Variants in FOXM1 observed in about 807,000 individuals in gnomAD.
FOXM1 encodes the protein forkhead box M1.
Under a neutral mutation model 63.6 loss-of-function variants are expected in FOXM1, and 25 were observed. That is an observed-to-expected ratio of 0.39 (90% CI 0.29 to 0.55). The LOEUF (loss-of-function observed/expected upper bound fraction) is 0.55. FOXM1 is among the 20% of genes least tolerant of loss of function. The probability of loss-of-function intolerance (pLI) is 0.60; values close to 1 mark genes in which losing one functional copy is unlikely to be tolerated. For missense variants in FOXM1, 879 were observed against 958.7 expected (o/e 0.92, Z 1.10); for synonymous variants, 387 against 376.9 (o/e 1.03, Z -0.31).
At chr12:2,871,953 A>G in intron 3 of FOXM1, 143 bp downstream of exon 3, 1 of 915,022 alleles carries the variant, frequency 1.1e-6, no homozygotes, top group Non-Finnish European at 1.7e-6. Context: ...AAAATAGCTC[A>G]AAAGTTATGC....
intron 1 of FOXM1, among the ~76,000 whole-genome samples, chr12:2,875,077 C>G (rs1468816204): frequency 6.7e-6 from 1 of 149,468 alleles, no homozygotes; most frequent in African/African-American, 2.5e-5. Context: ...ACTGCAACCT[C>G]TGCCTCCTGG....
chr12:2,872,299 G>GT lies in FOXM1; in HGVS notation c.503-53_503-52insA. On this transcript the variant is annotated intron_variant, in intron 2 of 8. Coordinates refer to ENST00000359843, the MANE Select transcript of FOXM1 (RefSeq NM_021953.4). The surrounding 1 kb of genome is among the most constrained non-coding windows in gnomAD (Gnocchi z 4.0). Reference sequence around the variant, plus strand: ...ACTTAGCTGCCTCATCAGATGCCCAGGTGTGTCCATCAGAATTGGTGGCTA... The same window carrying GT: ...ACTTAGCTGCCTCATCAGATGCCCAGTGTGTGTCCATCAGAATTGGTGGCTA... The GT allele has an allele frequency of 6.2e-7, 1 of 1,600,264 alleles. No individual in the cohort carries two copies. Among genetic ancestry groups the GT allele is most frequent in the African/African-American group, 1.3e-5 (1 of 74,762 alleles).
intron 8 of FOXM1, among the ~76,000 whole-genome samples, chr12:2,862,393 A>C (rs2098115512): frequency 7.0e-6 from 1 of 142,054 alleles, no homozygotes; most frequent in African/African-American, 2.7e-5. Context: ...TAGGGTGGAG[A>C]GGGAGCCAAA....
chr12:2,862,174 G>A (rs1374854415), intron 8 of FOXM1, among the ~76,000 whole-genome samples: 7 of 142,086 alleles, frequency 4.9e-5, no homozygotes, highest in East Asian at 2.0e-4. Flanking sequence ...GTGAGACTCC[G>A]TCTCAGGAAA....
chr12:2,872,245 C>T lies in FOXM1; in HGVS notation c.505G>A (p.Asp169Asn). 1 of 1,614,134 alleles carries T rather than the reference C, an allele frequency of 6.2e-7. No homozygotes were observed. Among genetic ancestry groups the T allele is most frequent in the Non-Finnish European group, 8.5e-7 (1 of 1,180,008 alleles). Residue 169 changes from aspartate (D) to asparagine (N), a missense_variant and splice_region_variant, in exon 3 of 9, where the codon GAT (aspartate) becomes AAT (asparagine). Asp to Asn is a conservative substitution (Grantham distance 23). Transcript: ENST00000359843. The surrounding 1 kb of genome is among the most constrained non-coding windows in gnomAD (Gnocchi z 4.0). ...ATAGTGCAGCCTGCTGCCTCACCATCTGCTAGAGGGAAAATAATCCAACAC... is the reference window on the plus strand; with the variant it reads ...ATAGTGCAGCCTGCTGCCTCACCATTTGCTAGAGGGAAAATAATCCAACAC... ...LCEQKRETCA[D>N]GEAAGCTINN...
intron 4 of FOXM1, 31 bp from the exon 5 acceptor site, chr12:2,866,552 G>C: frequency 6.7e-7 from 1 of 1,490,762 alleles, no homozygotes; most frequent in Non-Finnish European, 8.9e-7. Context: ...CTGGTTATCA[G>C]CTACTTTAGA....
chr12:2,861,394 C>T (rs749328694), intron 8 of FOXM1: 2 of 649,362 alleles, frequency 3.1e-6, no homozygotes, highest in Non-Finnish European at 5.5e-6. Context: ...TAACCAAACA[C>T]CACCTGTTCC....
Position 2,858,983 on chromosome 12 carries a change from G to C in FOXM1, c.1947C>G (p.Pro649=). ...PVQTSQGASD[P]LPDPLGLMDL... Reference sequence around the variant, plus strand: ...CCATCAGCCCCAGGGGGTCAGGCAAGGGGTCAGAGGCACCCTGGGAGGTTT... The same window carrying C: ...CCATCAGCCCCAGGGGGTCAGGCAACGGGTCAGAGGCACCCTGGGAGGTTT... The change falls in exon 9 of 9, where the codon CCC becomes CCG. Residue 649 remains proline (P), a synonymous_variant. Transcript: ENST00000359843. 1 of 1,613,560 alleles carries C rather than the reference G, an allele frequency of 6.2e-7. No individual in the cohort carries two copies. The highest frequency in any genetic ancestry group is 1.1e-5 in the South Asian group (1 of 91,078).
rs147408386 is a variant in FOXM1, at chr12:2,872,615, T to TAAAA, written c.503-372_503-369dup. The stretch of plus-strand genomic sequence containing the variant: ...GACTCTGTCTCAGAAAAATAAAAAA[T>TAAAA]AAAAAAGAAAGAATTGGTGGCTAGG... On this transcript the variant is annotated intron_variant, in intron 2 of 8. Coordinates refer to ENST00000359843, the MANE Select transcript of FOXM1 (RefSeq NM_021953.4). This position sits in a 1 kb window ranked among gnomAD's most constrained non-coding sequence, Gnocchi z 4.0. Among the ~76,000 whole-genome samples, 1 of 151,470 alleles carries TAAAA rather than the reference T, an allele frequency of 6.6e-6. No homozygotes were observed. Among genetic ancestry groups the TAAAA allele is most frequent in the Non-Finnish European group, 1.5e-5 (1 of 67,878 alleles).
chr12:2,875,116 C>T (rs2098140144), intron 1 of FOXM1, among the ~76,000 whole-genome samples: 1 of 151,802 alleles, frequency 6.6e-6, no homozygotes, highest in African/African-American at 2.4e-5. Context: ...TCTCAGCCTC[C>T]TGAGTAGCTG....
intron 8 of FOXM1, among the ~76,000 whole-genome samples, chr12:2,863,134 C>G: frequency 6.6e-6 from 1 of 152,138 alleles, no homozygotes; most frequent in East Asian, 1.9e-4. Context: ...ATTTGGATTG[C>G]CGCGCCTGTG....
At position 2,874,361 on chromosome 12, in the gene FOXM1, C is replaced by T. The variant is rs757854703; in HGVS notation, c.118G>A (p.Glu40Lys). The change falls in exon 2 of 9, where the codon GAG becomes AAG. Residue 40 changes from glutamate (E) to lysine (K), a missense_variant. This residue lies in a region of FOXM1 where 255 missense variants were observed against 292.4 expected (regional missense o/e 0.87). Transcript: ENST00000359843. This position sits in a 1 kb window ranked among gnomAD's most constrained non-coding sequence, Gnocchi z 4.3. The part of the protein sequence containing the change: ...EEPKRSPAQQ[E>K]SNQAEASKEV... ...TTGGAGGCCTCTGCTTGATTAGACT[C>T]CTGTTGGGCAGGGGATCTCTTAGGT... 1 of 1,614,128 alleles carries T rather than the reference C, an allele frequency of 6.2e-7. No homozygotes were observed. Among genetic ancestry groups the T allele is most frequent in the Admixed American group, 1.7e-5 (1 of 60,004 alleles).
At position 2,858,704 on chromosome 12, in the gene FOXM1, G is replaced by C; in HGVS notation, c.2226C>G (p.Gly742=). 6.2e-7 allele frequency: 1 copy of C among 1,614,188 alleles called. No individual in the cohort carries two copies. Among genetic ancestry groups the C allele is most frequent in the South Asian group, 1.1e-5 (1 of 91,088 alleles). Residue 742 remains glycine, a synonymous_variant, in exon 9 of 9, where the codon GGC becomes GGG. Coordinates refer to ENST00000359843, the MANE Select transcript of FOXM1 (RefSeq NM_021953.4). The stretch of plus-strand genomic sequence containing the variant: ...CAGGGCCCAGTGGGTCCTCGTCCAG[G>C]CCAGGAAAGCTGATGTCCAGCAGGA... ...SKILLDISFP[G]LDEDPLGPDN...
Position 2,870,957 on chromosome 12 carries a change from C to CAAAAAA in FOXM1, c.654+1133_654+1138dup, listed in dbSNP as rs11310343. On this transcript the variant is annotated intron_variant, in intron 3 of 8. Coordinates refer to ENST00000359843, the MANE Select transcript of FOXM1 (RefSeq NM_021953.4). Reference sequence around the variant, plus strand: ...TAGGAGACAGAGAAAGACTACGTCTCAAAAAAAAAAAAAAAAAAAAAAAAA... The same window carrying CAAAAAA: ...TAGGAGACAGAGAAAGACTACGTCTCAAAAAAAAAAAAAAAAAAAAAAAAAAAAAAA... Among the ~76,000 whole-genome samples, 27 of 39,124 alleles carry CAAAAAA rather than the reference C, an allele frequency of 6.9e-4. 1 individual carries two copies. Among genetic ancestry groups the CAAAAAA allele is most frequent in the African/African-American group, 1.4e-3 (16 of 11,250 alleles). 25.7% of individuals were successfully genotyped at this position (39,124 alleles called of 152,430 possible). A position where few individuals can be genotyped will look rare whatever the true frequency, so the allele number is the denominator to read the frequency against.
intron 3 of FOXM1, among the ~76,000 whole-genome samples, chr12:2,871,868 C>T (rs2098133794): frequency 6.6e-6 from 1 of 152,108 alleles, no homozygotes; most frequent in African/African-American, 2.4e-5. Context: ...CCAGTGCTGG[C>T]TGGAATACAG....
chr12:2,875,965 C>T (rs138661858), intron 1 of FOXM1, among the ~76,000 whole-genome samples: 2,145 of 150,672 alleles, frequency 0.014, 51 homozygotes, highest in African/African-American at 0.047. Flanking sequence ...AGGGTTTCAC[C>T]ATGTTTGCCA....
At chr12:2,870,957 CAAAAAA>C (rs11310343) in intron 3 of FOXM1, among the ~76,000 whole-genome samples, 2 of 39,110 alleles carry the variant, frequency 5.1e-5, no homozygotes, top group African/African-American at 8.9e-5. Context: ...GACTACGTCT[CAAAAAA>C]AAAAAAAAAA....
Position 2,874,552 on chromosome 12 carries a change from G to A in FOXM1, c.-47-27C>T. 2 of 1,455,278 alleles carry A rather than the reference G, an allele frequency of 1.4e-6. No homozygotes were observed. The highest frequency in any genetic ancestry group is 1.8e-6 in the Non-Finnish European group (2 of 1,084,060). The allele number at this position is 1,455,278 out of a possible 1,614,324, so 90.1% of individuals were successfully genotyped here. A position where few individuals can be genotyped will look rare whatever the true frequency, so the allele number is the denominator to read the frequency against. On this transcript the variant is annotated intron_variant, in intron 1 of 8. Coordinates refer to ENST00000359843, the MANE Select transcript of FOXM1 (RefSeq NM_021953.4). The surrounding 1 kb of genome is among the most constrained non-coding windows in gnomAD (Gnocchi z 4.3). ...TGGAAAATGCAAATAGTGGCAAGAT[G>A]TTAGAGATTGTTTAGGCTGAGAAGA...
chr12:2,859,413 G>A lies in FOXM1; in HGVS notation c.1517C>T (p.Ser506Phe), dbSNP rs530829501. Residue 506 changes from serine (S) to phenylalanine (F), a missense_variant, in exon 9 of 9, where the codon TCC becomes TTC. Transcript: ENST00000359843. ...CTTGGGTCTTGGGGTGGGAGATTGGGACGAATCCTCCCAGGAGTGAGATGA... is the reference window on the plus strand; with the variant it reads ...CTTGGGTCTTGGGGTGGGAGATTGGAACGAATCCTCCCAGGAGTGAGATGA... Reference protein sequence around the residue: ...EESSHSWEDSSQSPTPRPKKS... With the variant: ...EESSHSWEDSFQSPTPRPKKS... 3 of 1,613,950 alleles carry A rather than the reference G, an allele frequency of 1.9e-6. No homozygotes were observed. In the South Asian group the frequency reaches 3.3e-5, roughly 18 times the overall value.
Sources: allele counts gnomAD v4.1 joint callset (sites outside exome capture counted in the v4.1 genomes callset), GRCh38; gene constraint gnomAD v4.1.1; regional missense constraint gnomAD v4.1.1; non-coding constraint Gnocchi (gnomAD v3.1); transcripts MANE v1.5; gene names NCBI Gene and HGNC (gene_info 2026-07-23, HGNC 2026-07-21).